FAM135A: variants seen among roughly 807,000 people sequenced by gnomAD.
The protein encoded by FAM135A is protein FAM135A.
Under a neutral mutation model 146.8 loss-of-function variants are expected in FAM135A, and 79 were observed. That is an observed-to-expected ratio of 0.54 (90% CI 0.45 to 0.65). The LOEUF is 0.65. Among genes scored for constraint, FAM135A ranks in the 30% least tolerant of loss-of-function variants. The pLI, the probability that FAM135A is intolerant of heterozygous loss-of-function variation, is 0.00. For missense variants in FAM135A, 1,623 were observed against 1,758.2 expected, an observed-to-expected ratio of 0.92 and a Z score of 1.38; for synonymous variants, 562 against 603.6, an observed-to-expected ratio of 0.93 and a Z score of 1.01.
chr6:70,423,208 C>T (rs979325428), intron 2 of FAM135A, among the ~76,000 whole-genome samples: 4 of 151,980 alleles, frequency 2.6e-5, no homozygotes, highest in Non-Finnish European at 4.4e-5. Flanking sequence ...TGAGGAGAAT[C>T]GTAGGAGATG....
chr6:70,448,010 A>G (rs1225077964), intron 4 of FAM135A, among the ~76,000 whole-genome samples: 1 of 113,472 alleles, frequency 8.8e-6, no homozygotes, highest in African/African-American at 2.7e-5. Context: ...ATGTAGCTAT[A>G]ATATTTCCCT....
chr6:70,478,825 G>A lies in FAM135A; in HGVS notation c.542+1493G>A, dbSNP rs552702638. Among the ~76,000 whole-genome samples, 114 of 152,070 alleles carry A rather than the reference G, an allele frequency of 7.5e-4. 1 individual carries two copies. Among genetic ancestry groups the A allele is most frequent in the Admixed American group, 2.8e-3 (43 of 15,252 alleles). On this transcript the variant is annotated intron_variant, in intron 8 of 21. Coordinates refer to ENST00000418814, the MANE Select transcript of FAM135A (RefSeq NM_001162529.3). ...TTATTATAGCTTTTATAAGCAGGAAGGTGTTTTTTTATTACATACATAATT... is the reference window on the plus strand; with the variant it reads ...TTATTATAGCTTTTATAAGCAGGAAAGTGTTTTTTTATTACATACATAATT...
chr6:70,524,468 G>C lies in FAM135A; in HGVS notation c.1384G>C (p.Ala462Pro), dbSNP rs1794275195. ...LSSPELKVRPAGASSIWYTEG... is the reference protein window; with the variant it reads ...LSSPELKVRPPGASSIWYTEG... The stretch of plus-strand genomic sequence containing the variant: ...TAGCCCAGAGTTGAAAGTCAGACCT[G>C]CTGGTGCCTCCAGTATTTGGTATAC... Residue 462 changes from alanine (A) to proline (P), a missense_variant, in exon 15 of 22, where the codon GCT becomes CCT. Around this residue, in one of 7 missense-constraint regions of FAM135A, gnomAD observed 1,061 missense variants for 1,113.8 expected, o/e 0.95. Transcript: ENST00000418814. 5.2e-6 allele frequency: 8 copies of C among 1,550,982 alleles called. No homozygotes were observed. The South Asian group carries it at 9.5e-5, about 18-fold the overall frequency.
chr6:70,461,801 T>A (rs946225744), intron 5 of FAM135A, among the ~76,000 whole-genome samples: 1 of 152,220 alleles, frequency 6.6e-6, no homozygotes, highest in Non-Finnish European at 1.5e-5. Context: ...TTTCAAATCT[T>A]GTTCTGCCAC....
At chr6:70,461,341 C>G (rs551636421) in intron 5 of FAM135A, among the ~76,000 whole-genome samples, 2 of 151,994 alleles carry the variant, frequency 1.3e-5, no homozygotes, top group African/African-American at 4.8e-5. Flanking sequence ...AGTACTTAGA[C>G]TGTAAAGGGC....
chr6:70,513,905 T>A (rs1303915500), intron 12 of FAM135A, among the ~76,000 whole-genome samples: 1 of 152,074 alleles, frequency 6.6e-6, no homozygotes, highest in Non-Finnish European at 1.5e-5. Context: ...TCTGGCTGCC[T>A]TTAGGATTTT....
At chr6:70,502,181 A>AT (rs939648454) in intron 11 of FAM135A, among the ~76,000 whole-genome samples, 5 of 152,184 alleles carry the variant, frequency 3.3e-5, no homozygotes. Flanking sequence ...AAGTATCACA[A>AT]TTTTTTCTAA....
At chr6:70,481,778 A>C (rs147627157) in intron 9 of FAM135A, among the ~76,000 whole-genome samples, 46 of 152,338 alleles carry the variant, frequency 3.0e-4, no homozygotes, top group Non-Finnish European at 6.2e-4. Flanking sequence ...ATAATAATTT[A>C]ATCTACTTGT....
At chr6:70,440,370 T>C (rs1025914187) in intron 4 of FAM135A, among the ~76,000 whole-genome samples, 3 of 152,178 alleles carry the variant, frequency 2.0e-5, no homozygotes, top group Non-Finnish European at 4.4e-5. Context: ...CCAGAGTCAT[T>C]ATTTCACTAG....
intron 12 of FAM135A, chr6:70,505,069 T>C (rs937506431): frequency 1.6e-4 from 1 of 6,148 alleles, no homozygotes; most frequent in African/African-American, 6.8e-4. Flanking sequence ...TGTAGGTAGA[T>C]ACACATATAT....
At chr6:70,501,291 C>A (rs1243888292) in intron 11 of FAM135A, among the ~76,000 whole-genome samples, 3 of 152,148 alleles carry the variant, frequency 2.0e-5, no homozygotes, top group African/African-American at 7.2e-5. Flanking sequence ...CTCCTTAGCA[C>A]TGTCAGTGGA....
At chr6:70,447,673 G>A (rs912789910) in intron 4 of FAM135A, among the ~76,000 whole-genome samples, 26 of 152,352 alleles carry the variant, frequency 1.7e-4, no homozygotes, top group African/African-American at 4.3e-4. Flanking sequence ...CCCTCATGGC[G>A]TTTCCCGAAA....
chr6:70,453,173 T>C (rs1777517809), intron 5 of FAM135A, among the ~76,000 whole-genome samples: 2 of 152,182 alleles, frequency 1.3e-5, no homozygotes, highest in Non-Finnish European at 2.9e-5. Context: ...TCATTACATA[T>C]AGTTAGAAAA....
intron 4 of FAM135A, among the ~76,000 whole-genome samples, chr6:70,432,197 C>G (rs181032875): frequency 6.6e-6 from 1 of 151,940 alleles, no homozygotes; most frequent in Non-Finnish European, 1.5e-5. Flanking sequence ...TTTATTCTTC[C>G]TCTAAAAAAA....
chr6:70,444,791 A>G (rs181479362), intron 4 of FAM135A, among the ~76,000 whole-genome samples: 1 of 152,340 alleles, frequency 6.6e-6, no homozygotes, highest in African/African-American at 2.4e-5. Context: ...AATGGTATTC[A>G]GGGAATATAA....
At chr6:70,497,267 GA>G (rs374004290) in intron 11 of FAM135A, among the ~76,000 whole-genome samples, 309 of 152,236 alleles carry the variant, frequency 2.0e-3, no homozygotes, top group African/African-American at 6.3e-3. Flanking sequence ...TAGCAATTGT[GA>G]ATGGGAATTC....
At chr6:70,513,608 A>G (rs572017814) in intron 12 of FAM135A, among the ~76,000 whole-genome samples, 25 of 152,034 alleles carry the variant, frequency 1.6e-4, no homozygotes, top group African/African-American at 6.0e-4. Flanking sequence ...AGCATTTTAT[A>G]TTATCTGATA....
Position 70,526,419 on chromosome 6 carries a change from T to C in FAM135A, c.3335T>C (p.Ile1112Thr), listed in dbSNP as rs1794698601. The stretch of plus-strand genomic sequence containing the variant: ...GATTATTCAGCTTTGGATGGAACAA[T>C]AAATGCTCACTATACAAGCAGAGAT... Reference protein sequence around the residue: ...ETDYSALDGTINAHYTSRDEL... With the variant: ...ETDYSALDGTTNAHYTSRDEL... Residue 1112 changes from isoleucine (I) to threonine (T), a missense_variant, in exon 15 of 22, where the codon ATA becomes ACA. Around this residue, in one of 7 missense-constraint regions of FAM135A, gnomAD observed 1,061 missense variants for 1,113.8 expected, o/e 0.95. Transcript: ENST00000418814. 6.2e-7 allele frequency: 1 copy of C among 1,613,462 alleles called. No individual in the cohort carries two copies. Among genetic ancestry groups the C allele is most frequent in the African/African-American group, 1.3e-5 (1 of 74,940 alleles).
chr6:70,433,968 A>G (rs1772367236), intron 4 of FAM135A, among the ~76,000 whole-genome samples: 1 of 152,198 alleles, frequency 6.6e-6, no homozygotes, highest in South Asian at 2.1e-4. Context: ...ACTCTATTCT[A>G]TCATTTTGTT....
Sources: gnomAD v4.1 joint callset for allele counts (sites outside exome capture counted in the v4.1 genomes callset) on GRCh38, gnomAD v4.1.1 for gene constraint, gnomAD v4.1.1 regional missense constraint, MANE v1.5 for transcripts, NCBI Gene and HGNC (gene_info 2026-07-23, HGNC 2026-07-21) for gene names.